Variants in ARHGAP28 observed in about 807,000 individuals in gnomAD.
ARHGAP28 encodes the protein Rho GTPase activating protein 28.
In ARHGAP28, 56 loss-of-function variants were observed where a neutral mutation model predicts 90.7. That is an observed-to-expected ratio of 0.62 (90% CI 0.50 to 0.77). ARHGAP28 has a LOEUF of 0.77. Ranked by LOEUF, ARHGAP28 falls within the 30% of genes least tolerant of loss-of-function variation. The pLI is 0.00. For missense variants in ARHGAP28, 869 were observed against 900.9 expected (o/e 0.96, Z 0.45); for synonymous variants, 308 against 323.3 (o/e 0.95, Z 0.51).
chr18:6,744,590 G>T (rs932362793), intron 1 of ARHGAP28, among the ~76,000 whole-genome samples: 1 of 151,932 alleles, frequency 6.6e-6, no homozygotes. Flanking sequence ...GATCTCTCAG[G>T]TACTTTTGCT....
rs1369364158 is a variant in ARHGAP28, at chr18:6,837,180, G to A, written c.326-17G>A. On this transcript the variant is annotated splice_polypyrimidine_tract_variant and intron_variant, in intron 2 of 17. Transcript: ENST00000383472. ...CAGAAAATATTCTAACCCTCTCTTG[G>A]TAATGTTCTTTCACAGAAGGAGAAC... 6.5e-7 allele frequency: 1 copy of A among 1,531,480 alleles called. No homozygotes were observed. Among genetic ancestry groups the A allele is most frequent in the Admixed American group, 2.0e-5 (1 of 50,990 alleles). The allele number at this position is 1,531,480 out of a possible 1,614,324, so 94.9% of individuals were successfully genotyped here.
At chr18:6,750,460 A>G (rs1329954064) in intron 1 of ARHGAP28, among the ~76,000 whole-genome samples, 1 of 152,184 alleles carries the variant, frequency 6.6e-6, no homozygotes, top group Non-Finnish European at 1.5e-5. Flanking sequence ...GGTAAGTACT[A>G]TAGTCCTTGG....
At chr18:6,739,405 A>G (rs1374556495) in intron 1 of ARHGAP28, among the ~76,000 whole-genome samples, 2 of 151,996 alleles carry the variant, frequency 1.3e-5, no homozygotes, top group Non-Finnish European at 2.9e-5. Flanking sequence ...TGATTTAAAT[A>G]TAATAATATA....
At chr18:6,847,696 G>A (rs1319835960) in intron 3 of ARHGAP28, among the ~76,000 whole-genome samples, 1 of 151,766 alleles carries the variant, frequency 6.6e-6, no homozygotes, top group Non-Finnish European at 1.5e-5. Flanking sequence ...ATATGGTATT[G>A]TAAAATATAT....
chr18:6,888,148 T>C lies in ARHGAP28; in HGVS notation c.1536+909T>C, dbSNP rs188456792. Among the ~76,000 whole-genome samples, 865 of 152,356 alleles carry C rather than the reference T, an allele frequency of 5.7e-3. 8 individuals carry two copies. The highest frequency in any genetic ancestry group is 0.019 in the African/African-American group (799 of 41,584). The stretch of plus-strand genomic sequence containing the variant: ...CAGAAAAGTGGTTTCTCCACTGATA[T>C]ATAGTAGAACATTTGATAGAATCAT... On this transcript the variant is annotated intron_variant, in intron 12 of 17. Transcript: ENST00000383472.
intron 5 of ARHGAP28, among the ~76,000 whole-genome samples, chr18:6,866,056 G>C (rs1445968549): frequency 2.6e-5 from 4 of 152,122 alleles, no homozygotes; most frequent in Non-Finnish European, 5.9e-5. Context: ...ATGAGGAACG[G>C]ATGTTTTAAA....
At chr18:6,877,966 G>GTGTA (rs1483461605) in intron 10 of ARHGAP28, among the ~76,000 whole-genome samples, 1 of 151,284 alleles carries the variant, frequency 6.6e-6, no homozygotes, top group African/African-American at 2.4e-5. Context: ...GTGTGTGTGT[G>GTGTA]TGTATGTGCA....
At chr18:6,808,549 G>A (rs573316829) in intron 1 of ARHGAP28, among the ~76,000 whole-genome samples, 6 of 152,108 alleles carry the variant, frequency 3.9e-5, no homozygotes, top group Admixed American at 3.9e-4. Flanking sequence ...GTGTACAGCT[G>A]TATTTTGGCA....
chr18:6,758,671 T>C (rs2056133662), intron 1 of ARHGAP28, among the ~76,000 whole-genome samples: 1 of 152,194 alleles, frequency 6.6e-6, no homozygotes, highest in Non-Finnish European at 1.5e-5. Flanking sequence ...AGGGAAAGGG[T>C]GAGAAATACA....
At position 6,912,229 on chromosome 18, in the gene ARHGAP28, C is replaced by A; in HGVS notation, c.*75C>A. On this transcript the variant is annotated 3_prime_UTR_variant, in exon 18 of 18. Coordinates refer to ENST00000383472, the MANE Select transcript of ARHGAP28 (RefSeq NM_001366230.1). The stretch of plus-strand genomic sequence containing the variant: ...ACATTTTGGTAGGGAAAAAACAACA[C>A]TGTGTTTGACGTATTTGTTCCTACA... The A allele has an allele frequency of 1.2e-6, 1 of 818,212 alleles. No homozygotes were observed. Among genetic ancestry groups the A allele is most frequent in the Non-Finnish European group, 1.9e-6 (1 of 517,080 alleles). The allele number at this position is 818,212 out of a possible 1,614,324, so 50.7% of individuals were successfully genotyped here.
intron 3 of ARHGAP28, among the ~76,000 whole-genome samples, chr18:6,845,453 G>A (rs2056858983): frequency 6.6e-6 from 1 of 152,122 alleles, no homozygotes; most frequent in South Asian, 2.1e-4. Flanking sequence ...GGGTACATGT[G>A]CAGGATGTGC....
In ARHGAP28 at chr18:6,834,737, T is replaced by G. The variant is rs554427419; in HGVS notation, c.326-2460T>G. Among the ~76,000 whole-genome samples the G allele has an allele frequency of 1.2e-3, 178 of 152,194 alleles. 1 individual carries two copies. The highest frequency in any genetic ancestry group is 4.1e-3 in the African/African-American group (170 of 41,538). On this transcript the variant is annotated intron_variant, in intron 2 of 17. Transcript: ENST00000383472. ...GAAGAGATAAAGGAAGGTGGACCTT[T>G]TGAGTAGTAATAACGAGGCAATATG... is the stretch of plus-strand genomic sequence containing the variant.
rs541418230 is a variant in ARHGAP28 at position 6,868,631 on chromosome 18, G to A, written c.811+397G>A. 4.9e-4 allele frequency among the ~76,000 whole-genome samples: 74 copies of A among 152,132 alleles called. 1 individual carries two copies. In the Middle Eastern group the frequency reaches 0.01, roughly 21 times the overall value. On this transcript the variant is annotated intron_variant, in intron 6 of 17. Coordinates refer to ENST00000383472, the MANE Select transcript of ARHGAP28 (RefSeq NM_001366230.1). ...AGCTTGCCCCCTGACAAGGCTGCTG[G>A]GGAGGCTTTTATCTGCGCCTCTTCC...
At chr18:6,829,062 T>G (rs1000243721) in intron 2 of ARHGAP28, among the ~76,000 whole-genome samples, 3 of 152,212 alleles carry the variant, frequency 2.0e-5, no homozygotes, top group African/African-American at 7.2e-5. Context: ...TTATTTGAAA[T>G]AAAACGCCCC....
At chr18:6,747,919 C>A (rs2056037162) in intron 1 of ARHGAP28, among the ~76,000 whole-genome samples, 2 of 152,186 alleles carry the variant, frequency 1.3e-5, no homozygotes, top group African/African-American at 4.8e-5. Flanking sequence ...GCACCAAAGG[C>A]ACATGGGGTA....
intron 3 of ARHGAP28, among the ~76,000 whole-genome samples, chr18:6,841,795 T>A (rs2056829906): frequency 6.6e-6 from 1 of 152,332 alleles, no homozygotes; most frequent in Middle Eastern, 3.4e-3. Context: ...CAACTTTATC[T>A]TTTTAAAAAA....
At chr18:6,783,829 C>T (rs8083583) in intron 1 of ARHGAP28, among the ~76,000 whole-genome samples, 113,866 of 151,894 alleles carry the variant, frequency 0.75, 42,805 homozygotes, top group Admixed American at 0.78. Context: ...AGGAAAACTG[C>T]GTTCCTCTAT....
intron 1 of ARHGAP28, among the ~76,000 whole-genome samples, chr18:6,736,411 A>G (rs2055927656): frequency 6.6e-6 from 1 of 151,284 alleles, no homozygotes; most frequent in African/African-American, 2.4e-5. Context: ...AATTTCTGTG[A>G]TTTTTTGGAA....
intron 12 of ARHGAP28, 90 bp from the exon 13 acceptor site, chr18:6,889,798 A>G: frequency 8.3e-7 from 1 of 1,201,426 alleles, no homozygotes; most frequent in East Asian, 2.3e-5. Context: ...GTTCTCTGGC[A>G]GCAGAGTGAA....
Sources: allele counts gnomAD v4.1 joint callset (sites outside exome capture counted in the v4.1 genomes callset), GRCh38; gene constraint gnomAD v4.1.1; transcripts MANE v1.5; gene names NCBI Gene and HGNC (gene_info 2026-07-23, HGNC 2026-07-21).